The following SLC22A23 variants were observed in gnomAD, a reference collection of about 807,000 sequenced individuals.
The protein encoded by SLC22A23 is ion transporter protein.
In SLC22A23, 26 loss-of-function variants were observed where a neutral mutation model predicts 61.0. That is an observed-to-expected ratio of 0.43 (90% CI 0.31 to 0.59). The LOEUF (loss-of-function observed/expected upper bound fraction) is 0.59, where lower values mean the gene tolerates loss of function less well. SLC22A23 is among the 20% of genes least tolerant of loss of function. SLC22A23 has a pLI of 0.11. For synonymous variants in SLC22A23, 430 were observed against 413.9 expected (o/e 1.04, Z -0.47); for missense variants, 796 against 934.7 (o/e 0.85, Z 1.94).
At chr6:3,347,105 A>G (rs1581725458) in intron 3 of SLC22A23, among the ~76,000 whole-genome samples, 1 of 152,294 alleles carries the variant, frequency 6.6e-6, no homozygotes, top group East Asian at 1.9e-4. Context: ...TATGTTGCAC[A>G]CATTTCCCCA....
intron 3 of SLC22A23, among the ~76,000 whole-genome samples, chr6:3,361,686 A>G (rs1020342458): frequency 6.6e-6 from 1 of 152,232 alleles, no homozygotes; most frequent in Non-Finnish European, 1.5e-5. Flanking sequence ...TCAACACAGC[A>G]AGCCCCATGG....
At position 3,342,274 on chromosome 6, in the gene SLC22A23, C is replaced by T. The variant is rs1442307267; in HGVS notation, c.914-18272G>A. ...GTTTTAAGGCCATGTGTCTCCTTAA[C>T]ATAACTCTTTTTCAAAAAGTCATTG... On this transcript the variant is annotated intron_variant, in intron 3 of 9. Transcript: ENST00000406686. The surrounding 1 kb of genome is among the most constrained non-coding windows in gnomAD (Gnocchi z 4.0). 1.3e-5 allele frequency among the ~76,000 whole-genome samples: 2 copies of T among 150,920 alleles called. No individual in the cohort carries two copies. Among genetic ancestry groups the T allele is most frequent in the Non-Finnish European group, 2.9e-5 (2 of 68,032 alleles).
intron 1 of SLC22A23, among the ~76,000 whole-genome samples, chr6:3,443,787 T>G (rs890592179): frequency 5.9e-5 from 9 of 152,010 alleles, no homozygotes; most frequent in African/African-American, 2.2e-4. Context: ...GAAGCTGGAG[T>G]TGGACAGAGA....
intron 3 of SLC22A23, among the ~76,000 whole-genome samples, chr6:3,375,372 G>T (rs1285506302): frequency 6.6e-6 from 1 of 152,182 alleles, no homozygotes; most frequent in African/African-American, 2.4e-5. Context: ...TCAGTGTTTT[G>T]AAATGGAATG....
At chr6:3,302,864 C>T (rs374793678) in intron 4 of SLC22A23, 1 of 144,604 alleles carries the variant, frequency 6.9e-6, no homozygotes, top group Admixed American at 6.9e-5. Context: ...ACAGCTGATC[C>T]TGGAGAAACT....
intron 1 of SLC22A23, among the ~76,000 whole-genome samples, chr6:3,420,487 A>G (rs974783242): frequency 6.6e-6 from 1 of 152,166 alleles, no homozygotes; most frequent in Admixed American, 6.5e-5. Context: ...ACATAAAAAA[A>G]TTGGAAGCAA....
chr6:3,450,108 C>T (rs1772094816), intron 1 of SLC22A23, among the ~76,000 whole-genome samples: 1 of 152,144 alleles, frequency 6.6e-6, no homozygotes, highest in African/African-American at 2.4e-5. Context: ...AAACTGGTAA[C>T]CATGGTTGCT....
chr6:3,323,686 T>G, intron 4 of SLC22A23, 148 bp downstream of exon 4: 1 of 929,518 alleles, frequency 1.1e-6, no homozygotes, highest in Non-Finnish European at 1.6e-6. Context: ...ACAATAAAAT[T>G]TTTTAAAAAG....
At position 3,422,521 on chromosome 6, in the gene SLC22A23, T is replaced by A. The variant is rs529699054; in HGVS notation, c.655-6666A>T. On this transcript the variant is annotated intron_variant, in intron 1 of 9. Transcript: ENST00000406686. Reference sequence around the variant, plus strand: ...ATTTTTTTTCCCCTAAAAGATTCCATCAAAACTCAAGATATACTGCATGAC... The same window carrying A: ...ATTTTTTTTCCCCTAAAAGATTCCAACAAAACTCAAGATATACTGCATGAC... Among the ~76,000 whole-genome samples the A allele has an allele frequency of 5.9e-5, 9 of 152,230 alleles. No individual in the cohort carries two copies. In the South Asian group the frequency reaches 1.7e-3, roughly 28 times the overall value.
chr6:3,276,076 C>A (rs1323460806), intron 9 of SLC22A23, among the ~76,000 whole-genome samples: 1 of 152,122 alleles, frequency 6.6e-6, no homozygotes, highest in Non-Finnish European at 1.5e-5. Context: ...AGATTTGGAG[C>A]CTTTTTCTCA....
intron 3 of SLC22A23, among the ~76,000 whole-genome samples, chr6:3,362,917 A>G (rs1765573139): frequency 6.6e-6 from 1 of 152,180 alleles, no homozygotes; most frequent in South Asian, 2.1e-4. Flanking sequence ...CTTTGTTTCC[A>G]TGTGCGCGTG....
chr6:3,314,404 C>G (rs1335430968), intron 4 of SLC22A23, among the ~76,000 whole-genome samples: 1 of 152,190 alleles, frequency 6.6e-6, no homozygotes, highest in Non-Finnish European at 1.5e-5. Context: ...GACCCCAGCC[C>G]CACTTACTAG....
In SLC22A23 at chr6:3,286,850, C is replaced by A; in HGVS notation, c.1546+9G>T. ...CCCTGCACCCAGCCCACCTCCCCGACCCACTCACGGTTGAGGAGGCCGAGC... is the reference window on the plus strand; with the variant it reads ...CCCTGCACCCAGCCCACCTCCCCGAACCACTCACGGTTGAGGAGGCCGAGC... On this transcript the variant is annotated intron_variant, in intron 7 of 9. Coordinates refer to ENST00000406686, the MANE Select transcript of SLC22A23 (RefSeq NM_015482.2). This position sits in a 1 kb window ranked among gnomAD's most constrained non-coding sequence, Gnocchi z 4.2. 2 of 1,582,626 alleles carry A rather than the reference C, an allele frequency of 1.3e-6. No individual in the cohort carries two copies. The highest frequency in any genetic ancestry group is 2.3e-5 in the South Asian group (2 of 87,182).
At chr6:3,437,513 TAAA>T (rs1490733562) in intron 1 of SLC22A23, among the ~76,000 whole-genome samples, 1 of 150,912 alleles carries the variant, frequency 6.6e-6, no homozygotes, top group Admixed American at 6.6e-5. Context: ...CCGTCTCTAC[TAAA>T]AACAAAAAAA....
At chr6:3,408,408 TG>T (rs1404951590) in intron 3 of SLC22A23, among the ~76,000 whole-genome samples, 8 of 152,360 alleles carry the variant, frequency 5.3e-5, no homozygotes, top group Non-Finnish European at 1.2e-4. Flanking sequence ...AACAATTCTA[TG>T]AATATGTGAG....
intron 3 of SLC22A23, among the ~76,000 whole-genome samples, chr6:3,380,357 T>C (rs1751322227): frequency 6.6e-6 from 1 of 152,310 alleles, no homozygotes; most frequent in Non-Finnish European, 1.5e-5. Flanking sequence ...CAAACCACAA[T>C]AATAAGGAAT....
At chr6:3,300,450 T>C (rs1761518353) in intron 4 of SLC22A23, among the ~76,000 whole-genome samples, 1 of 152,110 alleles carries the variant, frequency 6.6e-6, no homozygotes, top group Non-Finnish European at 1.5e-5. Flanking sequence ...GATTAAGTCA[T>C]GAGAACGGGA....
chr6:3,319,136 G>A (rs902425805), intron 4 of SLC22A23, among the ~76,000 whole-genome samples: 1 of 152,178 alleles, frequency 6.6e-6, no homozygotes, highest in East Asian at 1.9e-4. Flanking sequence ...AGACCCTCCA[G>A]TGCATCTTTA....
chr6:3,292,378 C>T (rs551556077), intron 5 of SLC22A23, among the ~76,000 whole-genome samples: 2 of 152,326 alleles, frequency 1.3e-5, no homozygotes, highest in Admixed American at 1.3e-4. Context: ...CATCTAGAGA[C>T]TTCTCTAAAC....
Sources: gnomAD v4.1 joint callset for allele counts (sites outside exome capture counted in the v4.1 genomes callset) on GRCh38, gnomAD v4.1.1 for gene constraint, Gnocchi (gnomAD v3.1) non-coding constraint, MANE v1.5 for transcripts, NCBI Gene and HGNC (gene_info 2026-07-23, HGNC 2026-07-21) for gene names.